Variants in DOCK1 observed in about 807,000 individuals in gnomAD.
DOCK1 encodes dedicator of cytokinesis protein 1.
DOCK1 carries 138 observed loss-of-function variants against 262.7 expected under a neutral mutation model. The ratio of observed to expected loss-of-function variants is 0.53; its 90% CI spans 0.46 to 0.61. The LOEUF is 0.61. DOCK1 is among the 20% of genes least tolerant of loss of function. The pLI is 0.00. For missense variants in DOCK1, 1,908 were observed against 2,370.7 expected, an observed-to-expected ratio of 0.80 and a Z score of 4.05; for synonymous variants, 866 against 867.4, an observed-to-expected ratio of 1.00 and a Z score of 0.03.
At chr10:127,283,057 C>T (rs1477316690) in intron 29 of DOCK1, among the ~76,000 whole-genome samples, 2 of 152,226 alleles carry the variant, frequency 1.3e-5, no homozygotes, top group African/African-American at 2.4e-5. Context: ...TTCTTTGGGG[C>T]CTGTTTGGCG....
At chr10:127,260,184 C>A (rs977554043) in intron 29 of DOCK1, among the ~76,000 whole-genome samples, 1 of 152,224 alleles carries the variant, frequency 6.6e-6, no homozygotes. Context: ...GCTGCAGCAG[C>A]AGGTTGGTAC....
At chr10:127,162,722 C>T (rs1413592) in intron 27 of DOCK1, among the ~76,000 whole-genome samples, 76,798 of 152,006 alleles carry the variant, frequency 0.51, 21,475 homozygotes, top group East Asian at 0.75. Context: ...AATCATAGAC[C>T]TTAATGGACT....
intron 29 of DOCK1, among the ~76,000 whole-genome samples, chr10:127,300,870 T>C (rs2061655708): frequency 1.3e-5 from 2 of 152,182 alleles, no homozygotes; most frequent in Non-Finnish European, 2.9e-5. Context: ...TTGAAGGCAG[T>C]GCCAGCACTG....
Position 127,362,047 on chromosome 10 carries a change from T to C in DOCK1, c.3284-17T>C, listed in dbSNP as rs1242620116. On this transcript the variant is annotated splice_polypyrimidine_tract_variant and intron_variant, in intron 32 of 51. Transcript: ENST00000623213. Reference sequence around the variant, plus strand: ...TATTTTTCTTTATTTCTGAATATTGTACCTCTTTTTTCCAAGGTCAACACA... The same window carrying C: ...TATTTTTCTTTATTTCTGAATATTGCACCTCTTTTTTCCAAGGTCAACACA... The C allele has an allele frequency of 6.3e-7, 1 of 1,597,676 alleles. No homozygotes were observed. Among genetic ancestry groups the C allele is most frequent in the East Asian group, 2.2e-5 (1 of 44,706 alleles).
chr10:126,963,046 T>C (rs2037350049), intron 1 of DOCK1, among the ~76,000 whole-genome samples: 1 of 152,202 alleles, frequency 6.6e-6, no homozygotes. Flanking sequence ...TATGTGAGGG[T>C]TTACTTTTGA....
chr10:127,020,440 G>A (rs898053133), intron 13 of DOCK1, among the ~76,000 whole-genome samples: 1 of 152,002 alleles, frequency 6.6e-6, no homozygotes, highest in Non-Finnish European at 1.5e-5. Flanking sequence ...CCAGGTAGTA[G>A]CTGCTAGTAG....
At chr10:127,288,773 T>TCACACACACACACA (rs3221847) in intron 29 of DOCK1, among the ~76,000 whole-genome samples, 32 of 143,506 alleles carry the variant, frequency 2.2e-4, no homozygotes, top group Non-Finnish European at 4.4e-4. Flanking sequence ...TGTATATATT[T>TCACACACACACACA]CACACACACA....
At chr10:127,357,645 G>C (rs2133893110) in intron 32 of DOCK1, among the ~76,000 whole-genome samples, 1 of 152,334 alleles carries the variant, frequency 6.6e-6, no homozygotes, top group African/African-American at 2.4e-5. Flanking sequence ...TTTTTAGCCA[G>C]GAACACTGAC....
At chr10:126,990,107 T>G (rs2039687496) in intron 5 of DOCK1, among the ~76,000 whole-genome samples, 1 of 152,166 alleles carries the variant, frequency 6.6e-6, no homozygotes, top group Non-Finnish European at 1.5e-5. Flanking sequence ...AGCTTTAGAC[T>G]TGCCCATCTC....
At chr10:127,301,610 G>T (rs2061680922) in intron 29 of DOCK1, among the ~76,000 whole-genome samples, 1 of 152,056 alleles carries the variant, frequency 6.6e-6, no homozygotes, top group South Asian at 2.1e-4. Context: ...TATGGGCAAG[G>T]GTATGTAATG....
intron 32 of DOCK1, among the ~76,000 whole-genome samples, chr10:127,360,141 G>A (rs190444085): frequency 6.6e-6 from 1 of 152,164 alleles, no homozygotes; most frequent in Non-Finnish European, 1.5e-5. Context: ...TTTTAGAAAG[G>A]AGTCTTCCAG....
chr10:126,983,634 G>T (rs1260973707), intron 4 of DOCK1, among the ~76,000 whole-genome samples: 1 of 152,036 alleles, frequency 6.6e-6, no homozygotes, highest in Non-Finnish European at 1.5e-5. Flanking sequence ...TGCAGGCTCT[G>T]TCTTTCTTTT....
chr10:127,176,222 C>T lies in DOCK1; in HGVS notation c.2847+48458C>T. ...CCGAGGACAGCTGTGTGTCCCTCTG[C>T]TCATTCTGTGCCTCGCAGATATCCT... On this transcript the variant is annotated intron_variant, in intron 27 of 51. Transcript: ENST00000623213. This position sits in a 1 kb window ranked among gnomAD's most constrained non-coding sequence, Gnocchi z 4.4. The T allele has an allele frequency of 1.2e-6, 2 of 1,614,170 alleles. No individual in the cohort carries two copies. Among genetic ancestry groups the T allele is most frequent in the Non-Finnish European group, 1.7e-6 (2 of 1,180,032 alleles).
rs149404492 is a variant in DOCK1 at position 127,038,644 on chromosome 10, C to T, written c.2010+828C>T. 1.4e-3 allele frequency among the ~76,000 whole-genome samples: 210 copies of T among 152,262 alleles called. 1 individual carries two copies. In the South Asian group the frequency reaches 0.018, roughly 13 times the overall value. ...GCTTGCCTGGGCCGTCTTCTTCCCA[C>T]GGGACGCTCTGCAGCAGTGTCGGGT... On this transcript the variant is annotated intron_variant, in intron 19 of 51. Transcript: ENST00000623213.
At chr10:127,381,116 T>C (rs929341017) in intron 36 of DOCK1, among the ~76,000 whole-genome samples, 162 bp from the exon 37 acceptor site, 1 of 152,244 alleles carries the variant, frequency 6.6e-6, no homozygotes, top group African/African-American at 2.4e-5. Flanking sequence ...TTTTTCTTAG[T>C]GCTTTCTGTA....
At chr10:127,352,570 C>G (rs534859316) in intron 31 of DOCK1, among the ~76,000 whole-genome samples, 1 of 152,140 alleles carries the variant, frequency 6.6e-6, no homozygotes, top group Non-Finnish European at 1.5e-5. Context: ...GGCACAGACA[C>G]TGATGAAGTT....
At chr10:126,935,000 C>G (rs1353693873) in intron 1 of DOCK1, among the ~76,000 whole-genome samples, 5 of 152,122 alleles carry the variant, frequency 3.3e-5, no homozygotes, top group African/African-American at 1.2e-4. Context: ...GTCCCAGCTA[C>G]TCAGGAGGCT....
intron 23 of DOCK1, among the ~76,000 whole-genome samples, chr10:127,062,192 G>A (rs1027111940): frequency 6.6e-6 from 1 of 152,102 alleles, no homozygotes; most frequent in Admixed American, 6.5e-5. Flanking sequence ...ACCCACCTCA[G>A]CCTCCCAAAG....
intron 23 of DOCK1, among the ~76,000 whole-genome samples, chr10:127,103,287 C>T (rs1388729788): frequency 6.6e-6 from 1 of 152,158 alleles, no homozygotes; most frequent in Non-Finnish European, 1.5e-5. Flanking sequence ...ATGTACGTGC[C>T]AAGTCAATGT....
Sources: gnomAD v4.1 joint callset for allele counts (sites outside exome capture counted in the v4.1 genomes callset) on GRCh38, gnomAD v4.1.1 for gene constraint, Gnocchi (gnomAD v3.1) non-coding constraint, MANE v1.5 for transcripts, NCBI Gene and HGNC (gene_info 2026-07-23, HGNC 2026-07-21) for gene names.